Variants in ROBO1 observed in about 807,000 individuals in gnomAD.
ROBO1 encodes the protein roundabout guidance receptor 1, also known as roundabout homolog 1.
In ROBO1, 149 loss-of-function variants were observed where a neutral mutation model predicts 195.9. That is an observed-to-expected ratio of 0.76 (90% CI 0.67 to 0.87). ROBO1 has a LOEUF of 0.87. Among genes scored for constraint, ROBO1 ranks in the 40% least tolerant of loss-of-function variants. The pLI is 0.00. For synonymous variants in ROBO1, 816 were observed against 733.2 expected, an observed-to-expected ratio of 1.11 and a Z score of -1.82; for missense variants, 1,933 against 2,068.3, an observed-to-expected ratio of 0.93 and a Z score of 1.27.
intron 1 of ROBO1, among the ~76,000 whole-genome samples, chr3:79,634,111 A>G (rs1047046686): frequency 6.6e-6 from 1 of 152,202 alleles, no homozygotes; most frequent in Non-Finnish European, 1.5e-5. Flanking sequence ...GGCTGTTGCT[A>G]ATAATTGTGA....
intron 3 of ROBO1, among the ~76,000 whole-genome samples, chr3:79,087,593 C>T (rs1033170922): frequency 8.6e-5 from 13 of 151,196 alleles, no homozygotes; most frequent in South Asian, 4.2e-4. Flanking sequence ...TTTTCTTCCC[C>T]GCTTTCTCTC....
intron 2 of ROBO1, among the ~76,000 whole-genome samples, chr3:79,331,006 C>T (rs556179263): frequency 1.6e-4 from 25 of 152,200 alleles, no homozygotes; most frequent in Admixed American, 9.2e-4. Flanking sequence ...CAACAAGAAC[C>T]GGACATGTAT....
chr3:79,608,794 T>A (rs1055750092), intron 1 of ROBO1, among the ~76,000 whole-genome samples: 4 of 151,996 alleles, frequency 2.6e-5, no homozygotes, highest in African/African-American at 9.7e-5. Flanking sequence ...ATGATCACTC[T>A]TGCCTTGTGA....
intron 3 of ROBO1, among the ~76,000 whole-genome samples, chr3:79,016,997 AGAAG>A (rs1477392130): frequency 1.1e-4 from 17 of 152,342 alleles, no homozygotes; most frequent in African/African-American, 3.8e-4. Flanking sequence ...AAGGCATTAC[AGAAG>A]GAGAAGCTGG....
chr3:78,783,543 G>A (rs1303952784), intron 4 of ROBO1, among the ~76,000 whole-genome samples: 2 of 151,994 alleles, frequency 1.3e-5, no homozygotes, highest in South Asian at 2.1e-4. Context: ...ATTCTAAAAC[G>A]CTATTTTAAT....
chr3:79,178,542 A>G (rs1325786166), intron 2 of ROBO1, among the ~76,000 whole-genome samples: 2 of 152,240 alleles, frequency 1.3e-5, no homozygotes, highest in Admixed American at 6.5e-5. Context: ...ACAGTGTCAC[A>G]GATGGCTGTC....
chr3:79,563,298 C>A (rs536110890), intron 2 of ROBO1, among the ~76,000 whole-genome samples: 39 of 152,080 alleles, frequency 2.6e-4, no homozygotes, highest in Admixed American at 7.2e-4. Flanking sequence ...TAAATCATGT[C>A]TTCTAAAGAC....
At chr3:79,757,487 T>TTCTTTCTC (rs538280158) in intron 1 of ROBO1, among the ~76,000 whole-genome samples, 2 of 145,490 alleles carry the variant, frequency 1.4e-5, no homozygotes, top group African/African-American at 5.4e-5. Flanking sequence ...CTTTCTTTCT[T>TTCTTTCTC]TCTCTCTCTC....
chr3:79,144,635 C>G (rs2080606601), intron 2 of ROBO1, among the ~76,000 whole-genome samples: 1 of 151,962 alleles, frequency 6.6e-6, no homozygotes, highest in Non-Finnish European at 1.5e-5. Context: ...TTTAGAAACA[C>G]TGAAATTAGT....
intron 4 of ROBO1, among the ~76,000 whole-genome samples, chr3:78,827,319 G>A (rs1160301508): frequency 1.3e-5 from 2 of 152,016 alleles, no homozygotes; most frequent in South Asian, 2.1e-4. Flanking sequence ...GAAAACATAA[G>A]GGATAGTCTA....
At chr3:79,048,346 T>G (rs956581026) in intron 3 of ROBO1, among the ~76,000 whole-genome samples, 1 of 152,128 alleles carries the variant, frequency 6.6e-6, no homozygotes, top group Admixed American at 6.6e-5. Context: ...TTGTTCATTC[T>G]CAATAATTGC....
intron 3 of ROBO1, among the ~76,000 whole-genome samples, chr3:79,042,480 C>T (rs2078507157): frequency 1.3e-5 from 2 of 152,082 alleles, no homozygotes; most frequent in Non-Finnish European, 2.9e-5. Flanking sequence ...ACCCTGGTTC[C>T]TTCTATTTCC....
intron 3 of ROBO1, among the ~76,000 whole-genome samples, chr3:78,955,083 GT>G (rs1180816476): frequency 1.3e-5 from 2 of 150,170 alleles, no homozygotes; most frequent in Non-Finnish European, 3.0e-5. Context: ...TGTCATGGGG[GT>G]TATACAGGTA....
intron 1 of ROBO1, among the ~76,000 whole-genome samples, chr3:79,642,509 T>G (rs1945696069): frequency 6.6e-6 from 1 of 152,076 alleles, no homozygotes; most frequent in Non-Finnish European, 1.5e-5. Context: ...AAGAGGGGCT[T>G]TTAAGAGCAG....
At chr3:79,142,626 C>T (rs527833209) in intron 2 of ROBO1, among the ~76,000 whole-genome samples, 33 of 152,128 alleles carry the variant, frequency 2.2e-4, no homozygotes, top group African/African-American at 6.7e-4. Context: ...TCTAATGATG[C>T]GGCTCCTGTG....
At chr3:79,331,970 G>C (rs1199956035) in intron 2 of ROBO1, among the ~76,000 whole-genome samples, 2 of 151,938 alleles carry the variant, frequency 1.3e-5, no homozygotes, top group African/African-American at 4.8e-5. Context: ...GTGAAACCCC[G>C]TCTTTACTAA....
intron 2 of ROBO1, among the ~76,000 whole-genome samples, chr3:79,185,726 A>C (rs2081425779): frequency 6.6e-6 from 1 of 152,120 alleles, no homozygotes; most frequent in Non-Finnish European, 1.5e-5. Flanking sequence ...AGTTCCATTT[A>C]AAACCATCTG....
At chr3:78,830,324 A>T (rs2032042016) in intron 4 of ROBO1, among the ~76,000 whole-genome samples, 1 of 152,208 alleles carries the variant, frequency 6.6e-6, no homozygotes, top group South Asian at 2.1e-4. Context: ...CATGACTTGA[A>T]CACAGATGTA....
chr3:79,484,033 G>A (rs1939012879), intron 2 of ROBO1, among the ~76,000 whole-genome samples: 1 of 152,172 alleles, frequency 6.6e-6, no homozygotes, highest in East Asian at 1.9e-4. Context: ...CCACAATAGA[G>A]AGGAACATTT....
Sources: allele counts gnomAD v4.1 joint callset (sites outside exome capture counted in the v4.1 genomes callset), GRCh38; gene constraint gnomAD v4.1.1; transcripts MANE v1.5; gene names NCBI Gene and HGNC (gene_info 2026-07-23, HGNC 2026-07-21).